Variants in IRF3 observed in about 807,000 individuals in gnomAD.
IRF3 encodes interferon regulatory factor 3.
A neutral mutation model predicts 43.2 loss-of-function variants in IRF3; 29 were observed. That is an observed-to-expected ratio of 0.67 (90% confidence interval 0.50 to 0.91). The LOEUF (loss-of-function observed/expected upper bound fraction) is 0.91. Among genes scored for constraint, IRF3 ranks in the 40% least tolerant of loss-of-function variants. The pLI is 0.00. For missense variants in IRF3, 505 were observed against 559.1 expected (o/e 0.90, Z 0.98); for synonymous variants, 228 against 233.9 (o/e 0.97, Z 0.23).
intron 7 of IRF3, among the ~76,000 whole-genome samples, chr19:49,660,379 A>C (rs2081268635): frequency 6.6e-6 from 1 of 152,112 alleles, no homozygotes; most frequent in Non-Finnish European, 1.5e-5. Flanking sequence ...CACGTGAGGG[A>C]TCGGCTGCTC....
chr19:49,663,370 G>T lies in IRF3; in HGVS notation c.310C>A (p.His104Asn). The T allele has an allele frequency of 6.2e-7, 1 of 1,614,236 alleles. No homozygotes were observed. Among genetic ancestry groups the T allele is most frequent in the Non-Finnish European group, 8.5e-7 (1 of 1,180,038 alleles). The stretch of plus-strand genomic sequence containing the variant: ...GAGTTCACAAACTCGTAGATTTTAT[G>T]TGGGTCGTGAGGGTCCTTGCTCCGG... Reference protein sequence around the residue: ...EDRSKDPHDPHKIYEFVNSGV... With the variant: ...EDRSKDPHDPNKIYEFVNSGV... The change falls in exon 3 of 8, where the codon CAT (histidine) becomes AAT (asparagine). Residue 104 changes from histidine (H) to asparagine (N), a missense_variant. Coordinates refer to ENST00000377139, the MANE Select transcript of IRF3 (RefSeq NM_001571.6).
intron 7 of IRF3, 118 bp downstream of exon 7, chr19:49,660,595 G>C (rs748409194): frequency 9.5e-5 from 99 of 1,046,534 alleles, no homozygotes; most frequent in Non-Finnish European, 1.3e-4. Context: ...GGTTATTGCA[G>C]AGATCTTGGA....
chr19:49,663,436 A>G lies in IRF3; in HGVS notation c.244T>C (p.Ser82Pro). The change falls in exon 3 of 8, where the codon TCT becomes CCT. Residue 82 changes from serine (S) to proline (P), a missense_variant. Coordinates refer to ENST00000377139, the MANE Select transcript of IRF3 (RefSeq NM_001571.6). ...AACCCTTCTTTGCGGTTGAGGGCAG[A>G]GCGGAAATTCCTCTTCCAGGTTGGC... ...DLPTWKRNFR[S>P]ALNRKEGLRL... The G allele has an allele frequency of 6.2e-7, 1 of 1,614,164 alleles. No individual in the cohort carries two copies. Among genetic ancestry groups the G allele is most frequent in the Non-Finnish European group, 8.5e-7 (1 of 1,180,038 alleles).
rs1452633047 is a variant in IRF3 at position 49,662,599 on chromosome 19, A to G, written c.427T>C (p.Leu143=). The part of the protein sequence containing the change: ...SDTQEDILDE[L]LGNMVLAPLP... Reference sequence around the variant, plus strand: ...GGGGCCAACACCATGTTACCCAGTAACTCATCCAGAATGTCTTCCTGGAGG... The same window carrying G: ...GGGGCCAACACCATGTTACCCAGTAGCTCATCCAGAATGTCTTCCTGGAGG... Residue 143 remains leucine (L), a synonymous_variant, in exon 5 of 8, where the codon TTA becomes CTA. Transcript: ENST00000377139. 6.5e-7 allele frequency: 1 copy of G among 1,527,942 alleles called. No individual in the cohort carries two copies. Among genetic ancestry groups the G allele is most frequent in the African/African-American group, 1.4e-5 (1 of 71,230 alleles). The allele number at this position is 1,527,942 out of a possible 1,614,324, so 94.6% of individuals were successfully genotyped here.
chr19:49,661,134 G>A, intron 6 of IRF3: 1 of 386,628 alleles, frequency 2.6e-6, no homozygotes. Context: ...ATTCAGTCCT[G>A]TCTGAGGCTG....
At position 49,660,848 on chromosome 19, in the gene IRF3, G is replaced by T; in HGVS notation, c.983-20C>A. 1 of 1,575,446 alleles carries T rather than the reference G, an allele frequency of 6.3e-7. No individual in the cohort carries two copies. Among genetic ancestry groups the T allele is most frequent in the Non-Finnish European group, 8.6e-7 (1 of 1,160,396 alleles). Reference sequence around the variant, plus strand: ...TCAGATCTGGGGGCCCAGGAGCCTAGTCAGGGATGAGAAGAGGACCCTCTA... The same window carrying T: ...TCAGATCTGGGGGCCCAGGAGCCTATTCAGGGATGAGAAGAGGACCCTCTA... On this transcript the variant is annotated intron_variant, in intron 6 of 7. Coordinates refer to ENST00000377139, the MANE Select transcript of IRF3 (RefSeq NM_001571.6).
Position 49,665,649 on chromosome 19 carries a change from G to C in IRF3, c.-27C>G, listed in dbSNP as rs2081686881. ...GCGTTACCTACGATGGAAGGTCGGG[G>C]CGTGCGGGCAGCTGGAACCCACCCC... On this transcript the variant is annotated 5_prime_UTR_variant, in exon 1 of 8. Transcript: ENST00000377139. The C allele has an allele frequency of 2.6e-6, 2 of 777,104 alleles. No individual in the cohort carries two copies. The highest frequency in any genetic ancestry group is 4.0e-6 in the Non-Finnish European group (2 of 498,006). The allele number at this position is 777,104 out of a possible 1,614,324, so 48.1% of individuals were successfully genotyped here. A position where few individuals can be genotyped will look rare whatever the true frequency, so the allele number is the denominator to read the frequency against.
At position 49,660,027 on chromosome 19, in the gene IRF3, A is replaced by ACACAC. The variant is rs57168131; in HGVS notation, c.1099-195_1099-194insGTGTG. Among the ~76,000 whole-genome samples, 54 of 74,748 alleles carry ACACAC rather than the reference A, an allele frequency of 7.2e-4. 2 individuals are homozygous for ACACAC. The highest frequency in any genetic ancestry group is 1.8e-3 in the African/African-American group (18 of 10,158). 49.0% of individuals were successfully genotyped at this position (74,748 alleles called of 152,430 possible). A position where few individuals can be genotyped will look rare whatever the true frequency, so the allele number is the denominator to read the frequency against. On this transcript the variant is annotated intron_variant, in intron 7 of 7. Coordinates refer to ENST00000377139, the MANE Select transcript of IRF3 (RefSeq NM_001571.6). The stretch of plus-strand genomic sequence containing the variant: ...CACACACACACACACACACACACAC[A>ACACAC]CCCCCTGCTGTAACTGAACCATAGG...
At position 49,662,546 on chromosome 19, in the gene IRF3, C is replaced by T. The variant is rs1478806723; in HGVS notation, c.480G>A (p.Leu160=). Residue 160 remains leucine (L), a synonymous_variant, in exon 5 of 8, where the codon CTG becomes CTA. Transcript: ENST00000377139. ...GAGGGCAGGGCTCAGGGGCTACAGCCAGGCTTGGGGGTCCCGGATCTGGGA... is the reference window on the plus strand; with the variant it reads ...GAGGGCAGGGCTCAGGGGCTACAGCTAGGCTTGGGGGTCCCGGATCTGGGA... The part of the protein sequence containing the change: ...APLPDPGPPS[L]AVAPEPCPQP... 2 of 1,532,954 alleles carry T rather than the reference C, an allele frequency of 1.3e-6. No homozygotes were observed. Among genetic ancestry groups the T allele is most frequent in the Non-Finnish European group, 1.7e-6 (2 of 1,144,420 alleles). 95.0% of individuals were successfully genotyped at this position (1,532,954 alleles called of 1,614,324 possible).
At chr19:49,660,093 A>ATACACACACAC (rs2081250663) in intron 7 of IRF3, among the ~76,000 whole-genome samples, 1 of 130,586 alleles carries the variant, frequency 7.7e-6, no homozygotes, top group African/African-American at 3.4e-5. Context: ...CACACACACA[A>ATACACACACAC]ACACACACAC....
Position 49,662,422 on chromosome 19 carries a change from C to T in IRF3, c.601+3G>A, listed in dbSNP as rs2081377823. Reference sequence around the variant, plus strand: ...GCCCTCCCAGCCTGCAGCTGACACTCACCTTCCCCCGGCACCAACAGCCGC... The same window carrying T: ...GCCCTCCCAGCCTGCAGCTGACACTTACCTTCCCCCGGCACCAACAGCCGC... On this transcript the variant is annotated splice_donor_region_variant and intron_variant, in intron 5 of 7. Coordinates refer to ENST00000377139, the MANE Select transcript of IRF3 (RefSeq NM_001571.6). 2.5e-6 allele frequency: 4 copies of T among 1,591,980 alleles called. No homozygotes were observed. The highest frequency in any genetic ancestry group is 3.4e-6 in the Non-Finnish European group (4 of 1,169,224).
rs776572848 is a variant in IRF3, at chr19:49,665,770, C to T, written c.-148G>A. On this transcript the variant is annotated 5_prime_UTR_variant, in exon 1 of 8. Coordinates refer to ENST00000377139, the MANE Select transcript of IRF3 (RefSeq NM_001571.6). Reference sequence around the variant, plus strand: ...GCGCTGGGGCTTTCTTTTTGATCGACTTCTTGAAATAAAACCAACTTTATC... The same window carrying T: ...GCGCTGGGGCTTTCTTTTTGATCGATTTCTTGAAATAAAACCAACTTTATC... 449 of 1,549,612 alleles carry T rather than the reference C, an allele frequency of 2.9e-4. 1 individual carries two copies. Among genetic ancestry groups the T allele is most frequent in the Non-Finnish European group, 3.2e-4 (369 of 1,144,208 alleles).
At chr19:49,664,933 C>G in intron 1 of IRF3, 87 bp from the exon 2 acceptor site, 2 of 1,371,732 alleles carry the variant, frequency 1.5e-6, no homozygotes, top group Non-Finnish European at 2.0e-6. Flanking sequence ...CTCCTTCTCA[C>G]GGGCCACGGC....
chr19:49,665,814 C>T lies in IRF3; in HGVS notation c.-192G>A. ...CTTTATCATTCTTTGGGTAACAGACCCAAAAGCCGATGGGACGGCCCGCTG... is the reference window on the plus strand; with the variant it reads ...CTTTATCATTCTTTGGGTAACAGACTCAAAAGCCGATGGGACGGCCCGCTG... On this transcript the variant is annotated 5_prime_UTR_variant, in exon 1 of 8. Transcript: ENST00000377139. The T allele has an allele frequency of 1.9e-6, 3 of 1,584,586 alleles. No homozygotes were observed. Among genetic ancestry groups the T allele is most frequent in the Non-Finnish European group, 2.6e-6 (3 of 1,158,284 alleles).
At position 49,663,332 on chromosome 19, in the gene IRF3, A is replaced by G. The variant is rs779672850; in HGVS notation, c.337+11T>C. 6.2e-7 allele frequency: 1 copy of G among 1,614,064 alleles called. No individual in the cohort carries two copies. The highest frequency in any genetic ancestry group is 1.1e-5 in the South Asian group (1 of 91,092). ...GCCCCAGCCTCCCACACGAACCCCA[A>G]GCTGGCAGACCTGAGTTCACAAACT... On this transcript the variant is annotated intron_variant, in intron 3 of 7. Coordinates refer to ENST00000377139, the MANE Select transcript of IRF3 (RefSeq NM_001571.6).
rs762139531 is a variant in IRF3, at chr19:49,664,471, C to G, written c.165+203G>C. The G allele has an allele frequency of 3.5e-5, 53 of 1,534,186 alleles. 1 individual carries two copies. The South Asian group carries it at 5.1e-4, about 15-fold the overall frequency. ...CTTTCCCGGTTTTATTCCCGTAACC[C>G]TGCAGCTCCAACCCTGCTTGCGCCC... On this transcript the variant is annotated intron_variant, in intron 2 of 7. Coordinates refer to ENST00000377139, the MANE Select transcript of IRF3 (RefSeq NM_001571.6).
In IRF3 at chr19:49,663,369, T is replaced by A; in HGVS notation, c.311A>T (p.His104Leu). 1.2e-6 allele frequency: 2 copies of A among 1,614,220 alleles called. No homozygotes were observed. The highest frequency in any genetic ancestry group is 1.7e-6 in the Non-Finnish European group (2 of 1,180,034). Residue 104 changes from histidine (H) to leucine (L), a missense_variant, in exon 3 of 8, where the codon CAT becomes CTT. Physicochemically the swap from His to Leu is moderately conservative, Grantham distance 99 (BLOSUM62 -3). Coordinates refer to ENST00000377139, the MANE Select transcript of IRF3 (RefSeq NM_001571.6). ...EDRSKDPHDP[H>L]KIYEFVNSGV... ...TGAGTTCACAAACTCGTAGATTTTATGTGGGTCGTGAGGGTCCTTGCTCCG... is the reference window on the plus strand; with the variant it reads ...TGAGTTCACAAACTCGTAGATTTTAAGTGGGTCGTGAGGGTCCTTGCTCCG...
rs1400896445 is a variant in IRF3, at chr19:49,664,314, T to A, written c.165+360A>T. 2.0e-5 allele frequency: 12 copies of A among 612,566 alleles called. No homozygotes were observed. The Admixed American group carries it at 2.9e-4, about 15-fold the overall frequency. 37.9% of individuals were successfully genotyped at this position (612,566 alleles called of 1,614,324 possible). On this transcript the variant is annotated intron_variant, in intron 2 of 7. Transcript: ENST00000377139. ...TATACTAATTCGGTAGTTAGGAACCTCAGATTTGGGGCTCCAGGCCTCACC... is the reference window on the plus strand; with the variant it reads ...TATACTAATTCGGTAGTTAGGAACCACAGATTTGGGGCTCCAGGCCTCACC...
intron 6 of IRF3, 167 bp from the exon 7 acceptor site, chr19:49,660,995 C>A: frequency 1.3e-6 from 1 of 746,294 alleles, no homozygotes; most frequent in Non-Finnish European, 2.1e-6. Context: ...TCCCTCCCTC[C>A]CTCCCATCAG....
Sources: allele counts gnomAD v4.1 joint callset (sites outside exome capture counted in the v4.1 genomes callset), GRCh38; gene constraint gnomAD v4.1.1; transcripts MANE v1.5; gene names NCBI Gene and HGNC (gene_info 2026-07-23, HGNC 2026-07-21).